Variants in DTNB observed in about 807,000 individuals in gnomAD.
DTNB encodes the protein DTN-B.
Under a neutral mutation model 90.7 loss-of-function variants are expected in DTNB, and 63 were observed. That is an observed-to-expected ratio of 0.69 (90% CI 0.57 to 0.86). The LOEUF (loss-of-function observed/expected upper bound fraction) is 0.86. Ranked by LOEUF, DTNB falls within the 40% of genes least tolerant of loss-of-function variation. The pLI is 0.00. For missense variants in DTNB, 744 were observed against 807.1 expected, an observed-to-expected ratio of 0.92 and a Z score of 0.95; for synonymous variants, 277 against 286.7, an observed-to-expected ratio of 0.97 and a Z score of 0.34.
chr2:25,438,626 T>C (rs1362767698), intron 12 of DTNB, among the ~76,000 whole-genome samples: 1 of 152,206 alleles, frequency 6.6e-6, no homozygotes, highest in Non-Finnish European at 1.5e-5. Context: ...AAATTTCCCA[T>C]ACAGAAGAAT....
chr2:25,513,876 C>A (rs567911460), intron 9 of DTNB, among the ~76,000 whole-genome samples: 1 of 150,946 alleles, frequency 6.6e-6, no homozygotes, highest in African/African-American at 2.4e-5. Flanking sequence ...CATATAGATA[C>A]ACATGCAGTT....
intron 4 of DTNB, among the ~76,000 whole-genome samples, chr2:25,608,711 C>T (rs1347301797): frequency 6.6e-6 from 1 of 152,110 alleles, no homozygotes; most frequent in Non-Finnish European, 1.5e-5. Context: ...CACTTGAAAG[C>T]TGAGTCTACA....
rs1427848657 is a variant in DTNB at position 25,383,856 on chromosome 2, A to G, written c.1859T>C (p.Met620Thr). 2 of 1,614,056 alleles carry G rather than the reference A, an allele frequency of 1.2e-6. No individual in the cohort carries two copies. Among genetic ancestry groups the G allele is most frequent in the Non-Finnish European group, 1.7e-6 (2 of 1,179,906 alleles). ...TTTACCTCTGTCTTTCCCATTCTGC[A>G]TCTTCTCTTCTTCTTCCTCTGCACC... ...EEGAEEEEEK[M>T]QNGKDRG Residue 620 changes from methionine (M) to threonine (T), a missense_variant, in exon 19 of 21, where the codon ATG (methionine) becomes ACG (threonine). Coordinates refer to ENST00000406818, the MANE Select transcript of DTNB (RefSeq NM_021907.5).
chr2:25,632,888 A>C (rs1448930924), intron 3 of DTNB, among the ~76,000 whole-genome samples: 2 of 152,184 alleles, frequency 1.3e-5, no homozygotes, highest in Non-Finnish European at 2.9e-5. Flanking sequence ...TTGCTCTGAT[A>C]ATGGGAATGA....
At chr2:25,422,606 A>G (rs1208855069) in intron 15 of DTNB, among the ~76,000 whole-genome samples, 1 of 151,794 alleles carries the variant, frequency 6.6e-6, no homozygotes. Context: ...GGATTTCACC[A>G]TATTGGCCAG....
chr2:25,638,860 T>C (rs1281480193), intron 3 of DTNB, among the ~76,000 whole-genome samples, 154 bp downstream of exon 3: 2 of 152,164 alleles, frequency 1.3e-5, no homozygotes, highest in Non-Finnish European at 2.9e-5. Context: ...AGAAGTAAAA[T>C]GACAAGTTCT....
chr2:25,503,227 C>T lies in DTNB; in HGVS notation c.1002-20354G>A, dbSNP rs145551964. 2.4e-3 allele frequency among the ~76,000 whole-genome samples: 367 copies of T among 152,144 alleles called. 2 individuals are homozygous for T. Among genetic ancestry groups the T allele is most frequent in the Non-Finnish European group, 3.2e-3 (215 of 68,006 alleles). On this transcript the variant is annotated intron_variant, in intron 9 of 20. Transcript: ENST00000406818. Reference sequence around the variant, plus strand: ...TATTAGAGTCAGGTGCAGTGGCTCACGCCTGTAATCCCAACACTTTGGTAG... The same window carrying T: ...TATTAGAGTCAGGTGCAGTGGCTCATGCCTGTAATCCCAACACTTTGGTAG...
chr2:25,378,094 T>TG (rs1480730054), intron 20 of DTNB, among the ~76,000 whole-genome samples: 1 of 152,086 alleles, frequency 6.6e-6, no homozygotes, highest in East Asian at 1.9e-4. Flanking sequence ...AACAAGGCGG[T>TG]GGGGGCACAT....
At chr2:25,517,618 G>T (rs536046029) in intron 9 of DTNB, among the ~76,000 whole-genome samples, 1 of 152,272 alleles carries the variant, frequency 6.6e-6, no homozygotes, top group African/African-American at 2.4e-5. Context: ...AAAACAATAT[G>T]AGGGTTCCTC....
chr2:25,405,785 G>A (rs1214011776), intron 16 of DTNB, among the ~76,000 whole-genome samples: 4 of 152,140 alleles, frequency 2.6e-5, no homozygotes, highest in Non-Finnish European at 5.9e-5. Context: ...AAAGGCAAGA[G>A]GAGCCGGTGA....
chr2:25,662,653 C>CAAAT (rs1559429987), intron 1 of DTNB, among the ~76,000 whole-genome samples: 7 of 89,122 alleles, frequency 7.9e-5, no homozygotes, highest in African/African-American at 3.1e-4. Flanking sequence ...TATACAAATA[C>CAAAT]ACACACACAC....
At chr2:25,585,234 G>A (rs2062167446) in intron 6 of DTNB, among the ~76,000 whole-genome samples, 1 of 152,050 alleles carries the variant, frequency 6.6e-6, no homozygotes, top group Non-Finnish European at 1.5e-5. Context: ...CTTGTGAACA[G>A]AATAGATATG....
Position 25,388,240 on chromosome 2 carries a change from C to T in DTNB, c.1697G>A (p.Ser566Asn), listed in dbSNP as rs768230808. 8.1e-6 allele frequency: 13 copies of T among 1,602,208 alleles called. No homozygotes were observed. The African/African-American group carries it at 1.5e-4, about 18-fold the overall frequency. The change falls in exon 17 of 21, where the codon AGC becomes AAC. Residue 566 changes from serine to asparagine, a missense_variant. By Grantham distance (46) the Ser-to-Asn change is conservative. Transcript: ENST00000406818. ...CTCCTGCACGTCTCCCCCGACTCCG[C>T]TCAGCGAGTCCTGCGGACAGTGGGT... ...TPTHCPQDSLSGVGGDVQEAF... is the reference protein window; with the variant it reads ...TPTHCPQDSLNGVGGDVQEAF...
chr2:25,382,075 A>G (rs1004246666), intron 19 of DTNB, among the ~76,000 whole-genome samples: 1 of 152,214 alleles, frequency 6.6e-6, no homozygotes, highest in African/African-American at 2.4e-5. Flanking sequence ...AGTTGAACTC[A>G]GGCTGTGCCA....
intron 4 of DTNB, among the ~76,000 whole-genome samples, chr2:25,621,290 G>A (rs2072534730): frequency 6.6e-6 from 1 of 152,082 alleles, no homozygotes; most frequent in Non-Finnish European, 1.5e-5. Context: ...AACATGCTAG[G>A]CTGGGCAGAT....
intron 3 of DTNB, among the ~76,000 whole-genome samples, chr2:25,637,212 A>T (rs1030618666): frequency 2.0e-5 from 3 of 152,164 alleles, no homozygotes; most frequent in African/African-American, 7.2e-5. Context: ...TTAATTCAAG[A>T]TGGATTAAAG....
intron 10 of DTNB, among the ~76,000 whole-genome samples, chr2:25,477,774 C>T (rs2064024893): frequency 6.6e-6 from 1 of 152,050 alleles, no homozygotes; most frequent in Non-Finnish European, 1.5e-5. Context: ...AAGAGAAGCC[C>T]ATAGCTGTAA....
intron 3 of DTNB, among the ~76,000 whole-genome samples, chr2:25,636,950 T>TAA (rs956941073): frequency 4.0e-5 from 6 of 151,864 alleles, no homozygotes; most frequent in Non-Finnish European, 5.9e-5. Flanking sequence ...GAGTAAGACT[T>TAA]AAAGTAGAGT....
At chr2:25,643,871 TAGG>T (rs927701723) in intron 2 of DTNB, among the ~76,000 whole-genome samples, 2 of 152,088 alleles carry the variant, frequency 1.3e-5, no homozygotes, top group African/African-American at 4.8e-5. Flanking sequence ...CAGGATGAGA[TAGG>T]AGGTCAGCCC....
Sources: gnomAD v4.1 joint callset for allele counts (sites outside exome capture counted in the v4.1 genomes callset) on GRCh38, gnomAD v4.1.1 for gene constraint, MANE v1.5 for transcripts, NCBI Gene and HGNC (gene_info 2026-07-23, HGNC 2026-07-21) for gene names.